The following SUPT3H variants were observed in gnomAD, a reference collection of about 807,000 sequenced individuals.
The protein encoded by SUPT3H is SPT3 homolog, SAGA and STAGA complex component.
A neutral mutation model predicts 44.3 loss-of-function variants in SUPT3H; 44 were observed. The observed-to-expected ratio is 0.99, with a 90% CI of 0.78 to 1.28. The LOEUF (loss-of-function observed/expected upper bound fraction) is 1.28. Ranked by LOEUF, SUPT3H falls within the 50% of genes most tolerant of loss-of-function variation. The probability of loss-of-function intolerance (pLI) is 0.00; values close to 1 mark genes in which losing one functional copy is unlikely to be tolerated. For synonymous variants in SUPT3H, 124 were observed against 125.6 expected (o/e 0.99, Z 0.09); for missense variants, 380 against 387.1 (o/e 0.98, Z 0.15).
At chr6:44,971,456 T>C (rs746059586) in intron 6 of SUPT3H, among the ~76,000 whole-genome samples, 1 of 152,096 alleles carries the variant, frequency 6.6e-6, no homozygotes, top group Admixed American at 6.6e-5. Flanking sequence ...AGCAAACACA[T>C]CCTTCTTCAC....
At chr6:44,954,441 GA>G (rs777895069) in intron 8 of SUPT3H, 53 bp downstream of exon 8, 4 of 1,230,314 alleles carry the variant, frequency 3.3e-6, no homozygotes, top group Middle Eastern at 1.9e-4. Context: ...ATCATGGGCA[GA>G]GATAAAGAAA....
chr6:45,276,086 C>T (rs766533774), intron 2 of SUPT3H, among the ~76,000 whole-genome samples: 5 of 151,910 alleles, frequency 3.3e-5, no homozygotes, highest in African/African-American at 9.7e-5. Flanking sequence ...CAATTCCAGT[C>T]GCAGAATTTA....
chr6:45,316,461 A>T (rs1784721304), intron 2 of SUPT3H, among the ~76,000 whole-genome samples: 1 of 152,166 alleles, frequency 6.6e-6, no homozygotes, highest in South Asian at 2.1e-4. Context: ...AAGAGAAAGA[A>T]ATAATAGGCA....
intron 2 of SUPT3H, among the ~76,000 whole-genome samples, chr6:45,161,145 A>T (rs371735852): frequency 1.3e-5 from 2 of 152,160 alleles, no homozygotes; most frequent in Admixed American, 6.6e-5. Context: ...CCAGAAGCAG[A>T]TGCCAGCACC....
intron 3 of SUPT3H, among the ~76,000 whole-genome samples, chr6:45,039,132 T>C (rs1016102559): frequency 6.6e-6 from 1 of 152,204 alleles, no homozygotes; most frequent in Non-Finnish European, 1.5e-5. Context: ...ACAAATCTGC[T>C]GAACATAATT....
chr6:44,849,486 C>A (rs1474530801), intron 10 of SUPT3H, among the ~76,000 whole-genome samples: 1 of 151,948 alleles, frequency 6.6e-6, no homozygotes, highest in Admixed American at 6.6e-5. Context: ...CTCGGCCTCC[C>A]AAAGTGCTGG....
At chr6:44,829,915 A>C (rs1321369921) in intron 10 of SUPT3H, 58 bp from the exon 11 acceptor site, 2 of 1,541,788 alleles carry the variant, frequency 1.3e-6, no homozygotes, top group Non-Finnish European at 1.8e-6. Context: ...CAAGGAAAGG[A>C]GGCAAAAAGC....
intron 3 of SUPT3H, among the ~76,000 whole-genome samples, chr6:45,026,839 T>G (rs918668294): frequency 1.3e-5 from 2 of 152,174 alleles, no homozygotes; most frequent in Non-Finnish European, 2.9e-5. Flanking sequence ...TGAAATATAA[T>G]TTTTGTTTAA....
At chr6:45,043,443 GATA>G (rs1788903228) in intron 3 of SUPT3H, among the ~76,000 whole-genome samples, 1 of 152,140 alleles carries the variant, frequency 6.6e-6, no homozygotes, top group Admixed American at 6.5e-5. Flanking sequence ...TGGTACCTGA[GATA>G]ATGTTAGTTT....
At chr6:45,136,222 A>G (rs1270729936) in intron 2 of SUPT3H, among the ~76,000 whole-genome samples, 1 of 152,234 alleles carries the variant, frequency 6.6e-6, no homozygotes, top group Non-Finnish European at 1.5e-5. Context: ...AAAAACCCAG[A>G]AAGTCAAGCC....
intron 2 of SUPT3H, among the ~76,000 whole-genome samples, chr6:45,260,271 G>C (rs1248689035): frequency 6.6e-6 from 1 of 152,080 alleles, no homozygotes; most frequent in Admixed American, 6.6e-5. Context: ...CCAAGTCAAA[G>C]AATATGTTTC....
chr6:45,174,240 C>T (rs899376044), intron 2 of SUPT3H, among the ~76,000 whole-genome samples: 2 of 152,178 alleles, frequency 1.3e-5, no homozygotes, highest in African/African-American at 4.8e-5. Flanking sequence ...TAACGTTCTA[C>T]GTAATCATAG....
chr6:45,060,422 CCCTTA>C (rs1263187183), intron 3 of SUPT3H, among the ~76,000 whole-genome samples: 7 of 152,004 alleles, frequency 4.6e-5, no homozygotes, highest in Non-Finnish European at 1.0e-4. Flanking sequence ...CTGTACCCTT[CCCTTA>C]CACCTTATAT....
At chr6:44,952,811 A>G (rs529932049) in intron 9 of SUPT3H, among the ~76,000 whole-genome samples, 1 of 152,230 alleles carries the variant, frequency 6.6e-6, no homozygotes. Flanking sequence ...AGAAAAGAAT[A>G]TAATTTTCAC....
chr6:44,857,587 T>C (rs910735481), intron 10 of SUPT3H, among the ~76,000 whole-genome samples: 2 of 152,244 alleles, frequency 1.3e-5, no homozygotes, highest in Non-Finnish European at 2.9e-5. Context: ...ACTATTGCTA[T>C]TATTATGTAG....
At chr6:45,019,027 C>T (rs1784724332) in intron 4 of SUPT3H, among the ~76,000 whole-genome samples, 1 of 152,144 alleles carries the variant, frequency 6.6e-6, no homozygotes, top group African/African-American at 2.4e-5. Context: ...ATTTCAGATT[C>T]TGTTGTTGGT....
intron 2 of SUPT3H, among the ~76,000 whole-genome samples, chr6:45,245,299 T>A (rs1307598680): frequency 1.3e-5 from 2 of 152,128 alleles, no homozygotes; most frequent in Non-Finnish European, 2.9e-5. Flanking sequence ...ATTCATAACA[T>A]AAAATTTACT....
intron 2 of SUPT3H, among the ~76,000 whole-genome samples, chr6:45,119,739 A>G (rs1016875028): frequency 6.6e-6 from 1 of 152,168 alleles, no homozygotes; most frequent in Admixed American, 6.6e-5. Flanking sequence ...TAGAAAACTT[A>G]AGATTTTCAC....
chr6:45,308,316 A>G (rs1352872748), intron 2 of SUPT3H, among the ~76,000 whole-genome samples: 2 of 152,212 alleles, frequency 1.3e-5, no homozygotes, highest in Non-Finnish European at 2.9e-5. Flanking sequence ...CTAAGTTGAA[A>G]TGAAGGAAAA....
Sources: gnomAD v4.1 joint callset for allele counts (sites outside exome capture counted in the v4.1 genomes callset) on GRCh38, gnomAD v4.1.1 for gene constraint, MANE v1.5 for transcripts, NCBI Gene and HGNC (gene_info 2026-07-23, HGNC 2026-07-21) for gene names.